ESRP1: variants seen among roughly 807,000 people sequenced by gnomAD.
ESRP1 encodes the protein RNA-binding motif protein 35A.
In ESRP1, 33 loss-of-function variants were observed where a neutral mutation model predicts 81.7. That is an observed-to-expected ratio of 0.40 (90% CI 0.31 to 0.54). The LOEUF (loss-of-function observed/expected upper bound fraction) is 0.54, where lower values mean the gene tolerates loss of function less well. Among genes scored for constraint, ESRP1 ranks in the 20% least tolerant of loss-of-function variants. The pLI is 0.41. For missense variants in ESRP1, 672 were observed against 833.1 expected (o/e 0.81, Z 2.38); for synonymous variants, 320 against 303.3 (o/e 1.06, Z -0.57).
chr8:94,694,698 T>A (rs1809529564), intron 14 of ESRP1, among the ~76,000 whole-genome samples: 1 of 152,236 alleles, frequency 6.6e-6, no homozygotes, highest in African/African-American at 2.4e-5. Flanking sequence ...AAGATTCACA[T>A]TCTTCAAAAT....
intron 13 of ESRP1, among the ~76,000 whole-genome samples, chr8:94,690,469 T>C (rs1207141809): frequency 6.6e-6 from 1 of 152,006 alleles, no homozygotes; most frequent in East Asian, 1.9e-4. Context: ...TACTTTCATG[T>C]CCTGTCAGGT....
chr8:94,689,464 T>C (rs1809286658), intron 13 of ESRP1, among the ~76,000 whole-genome samples: 1 of 152,094 alleles, frequency 6.6e-6, no homozygotes, highest in African/African-American at 2.4e-5. Flanking sequence ...GCAGTTGATT[T>C]ATTTTGTGTA....
At chr8:94,661,497 T>C (rs1818745247) in intron 4 of ESRP1, among the ~76,000 whole-genome samples, 1 of 152,248 alleles carries the variant, frequency 6.6e-6, no homozygotes, top group South Asian at 2.1e-4. Context: ...AATGCAGTGG[T>C]GTAGAACCAA....
Position 94,641,283 on chromosome 8 carries a change from TCCCGACC to T in ESRP1, c.-32_-26del. Reference sequence around the variant, plus strand: ...CTCACTTCCACACCACCTTACCGCCTCCCGACCCCCCCTCTCCCCCTCCCCACCTATC... The same window carrying T: ...CTCACTTCCACACCACCTTACCGCCTCCCCCTCTCCCCCTCCCCACCTATC... On this transcript the variant is annotated 5_prime_UTR_variant, in exon 1 of 16. Transcript: ENST00000433389. 6.4e-7 allele frequency: 1 copy of T among 1,551,506 alleles called. No individual in the cohort carries two copies.
At chr8:94,647,272 G>A (rs1048750217) in intron 4 of ESRP1, among the ~76,000 whole-genome samples, 4 of 152,192 alleles carry the variant, frequency 2.6e-5, no homozygotes, top group Admixed American at 2.6e-4. Context: ...GTGTTGGGAA[G>A]AGGGTGGAAT....
chr8:94,665,280 AG>A, intron 9 of ESRP1, 84 bp downstream of exon 9: 1 of 1,321,076 alleles, frequency 7.6e-7, no homozygotes. Flanking sequence ...GTAGGTGAAT[AG>A]GGTCATGAAT....
At chr8:94,703,108 G>GTTTTTTTTTT (rs201767398) in intron 15 of ESRP1, among the ~76,000 whole-genome samples, 2 of 128,536 alleles carry the variant, frequency 1.6e-5, no homozygotes, top group African/African-American at 5.8e-5. Context: ...GAGATTGATT[G>GTTTTTTTTTT]TTTTTTTTTT....
chr8:94,671,042 T>A (rs1376847164), intron 10 of ESRP1, among the ~76,000 whole-genome samples: 1 of 152,210 alleles, frequency 6.6e-6, no homozygotes, highest in East Asian at 1.9e-4. Flanking sequence ...AAATGATATA[T>A]TTCTACTTTT....
At chr8:94,703,108 GTTT>G (rs201767398) in intron 15 of ESRP1, among the ~76,000 whole-genome samples, 1 of 128,524 alleles carries the variant, frequency 7.8e-6, no homozygotes, top group African/African-American at 2.9e-5. Context: ...GAGATTGATT[GTTT>G]TTTTTTTTTT....
Position 94,707,379 on chromosome 8 carries a change from T to C in ESRP1, c.*1490T>C, listed in dbSNP as rs1810104062. On this transcript the variant is annotated 3_prime_UTR_variant, in exon 16 of 16. Coordinates refer to ENST00000433389, the MANE Select transcript of ESRP1 (RefSeq NM_017697.4). ...AAAGCTGCCCAAAGCTCTGAAAGAC[T>C]TTAAGATAGGCAGTAATGCTTACTA... 6.6e-6 allele frequency: 1 copy of C among 152,226 alleles called. No homozygotes were observed. Among genetic ancestry groups the C allele is most frequent in the Admixed American group, 6.5e-5 (1 of 15,284 alleles). The allele number at this position is 152,226 out of a possible 1,614,324, so 9.4% of individuals were successfully genotyped here.
intron 13 of ESRP1, among the ~76,000 whole-genome samples, chr8:94,692,416 C>T (rs545837509): frequency 6.6e-6 from 1 of 152,062 alleles, no homozygotes; most frequent in Non-Finnish European, 1.5e-5. Context: ...TTACTTCTGT[C>T]CTTCTCTTAA....
At chr8:94,643,521 C>T (rs1817713401) in intron 3 of ESRP1, 105 bp downstream of exon 3, 1 of 656,072 alleles carries the variant, frequency 1.5e-6, no homozygotes, top group South Asian at 1.9e-5. Context: ...TAAAAAGATG[C>T]ATATAGGGAG....
At position 94,674,533 on chromosome 8, in the gene ESRP1, A is replaced by G. The variant is rs370333340; in HGVS notation, c.1651+27A>G. 52 of 1,597,966 alleles carry G rather than the reference A, an allele frequency of 3.3e-5. No homozygotes were observed. The African/African-American group carries it at 3.8e-4, about 12-fold the overall frequency. ...TAAGTTTTTCTTGGGTCTTGGCGCT[A>G]TTCTACGCTATATGCTGGTAGGTGC... On this transcript the variant is annotated intron_variant, in intron 12 of 15. Transcript: ENST00000433389.
At chr8:94,699,845 C>T (rs1025805263) in intron 15 of ESRP1, among the ~76,000 whole-genome samples, 3 of 152,124 alleles carry the variant, frequency 2.0e-5, no homozygotes, top group Non-Finnish European at 4.4e-5. Context: ...TTCATCCTCT[C>T]ATACCCTCAT....
chr8:94,704,462 A>C (rs967716071), intron 15 of ESRP1, among the ~76,000 whole-genome samples: 3 of 151,908 alleles, frequency 2.0e-5, no homozygotes, highest in Non-Finnish European at 2.9e-5. Flanking sequence ...ATATATATAT[A>C]TCTCTTTTAT....
chr8:94,655,137 T>C (rs919251133), intron 4 of ESRP1, among the ~76,000 whole-genome samples: 2 of 151,090 alleles, frequency 1.3e-5, no homozygotes, highest in Non-Finnish European at 1.5e-5. Flanking sequence ...TCACCCAGGC[T>C]GGGGTGCAGT....
At chr8:94,662,771 C>T (rs368664405) in intron 6 of ESRP1, among the ~76,000 whole-genome samples, 1 of 152,038 alleles carries the variant, frequency 6.6e-6, no homozygotes, top group Non-Finnish European at 1.5e-5. Flanking sequence ...CCATACCTGG[C>T]TAATTTTTTT....
chr8:94,688,321 A>T (rs1315453439), intron 13 of ESRP1: 1 of 211,576 alleles, frequency 4.7e-6, no homozygotes, highest in African/African-American at 2.4e-5. Flanking sequence ...GGCTGTGCCC[A>T]GTGTTATTGT....
At chr8:94,693,520 C>T (rs2130718780) in intron 14 of ESRP1, among the ~76,000 whole-genome samples, 1 of 152,292 alleles carries the variant, frequency 6.6e-6, no homozygotes, top group South Asian at 2.1e-4. Context: ...TTTCTTTCCT[C>T]AAGTCACATA....
Sources: allele counts gnomAD v4.1 joint callset (sites outside exome capture counted in the v4.1 genomes callset), GRCh38; gene constraint gnomAD v4.1.1; transcripts MANE v1.5; gene names NCBI Gene and HGNC (gene_info 2026-07-23, HGNC 2026-07-21).